The following ZDHHC14 variants were observed in gnomAD, a reference collection of about 807,000 sequenced individuals.
ZDHHC14 encodes the protein palmitoyltransferase ZDHHC14.
ZDHHC14 carries 16 observed loss-of-function variants against 47.7 expected under a neutral mutation model. The observed-to-expected ratio is 0.34, with a 90% confidence interval of 0.23 to 0.51. The LOEUF (loss-of-function observed/expected upper bound fraction) is 0.51, where lower values mean the gene tolerates loss of function less well. Ranked by LOEUF, ZDHHC14 falls within the 20% of genes least tolerant of loss-of-function variation. ZDHHC14 has a pLI of 0.97. For synonymous variants in ZDHHC14, 293 were observed against 278.9 expected, an observed-to-expected ratio of 1.05 and a Z score of -0.50; for missense variants, 515 against 662.5, an observed-to-expected ratio of 0.78 and a Z score of 2.44.
intron 1 of ZDHHC14, among the ~76,000 whole-genome samples, chr6:157,519,380 G>C (rs1368375708): frequency 6.7e-6 from 1 of 148,860 alleles, no homozygotes; most frequent in Non-Finnish European, 1.5e-5. Flanking sequence ...GCATTGCCTG[G>C]AAAAAAAAAA....
intron 7 of ZDHHC14, among the ~76,000 whole-genome samples, chr6:157,651,280 C>G (rs867075818): frequency 2.0e-5 from 3 of 152,388 alleles, no homozygotes; most frequent in Middle Eastern, 6.8e-3. Flanking sequence ...GCCATCAGCC[C>G]TCCACGTTCC....
At chr6:157,592,109 C>G (rs1390380040) in intron 2 of ZDHHC14, among the ~76,000 whole-genome samples, 1 of 152,110 alleles carries the variant, frequency 6.6e-6, no homozygotes, top group Admixed American at 6.6e-5. Flanking sequence ...GTTCTCAAAC[C>G]TTGCCCACGT....
At chr6:157,438,090 T>G (rs1778480437) in intron 1 of ZDHHC14, among the ~76,000 whole-genome samples, 1 of 152,164 alleles carries the variant, frequency 6.6e-6, no homozygotes, top group Non-Finnish European at 1.5e-5. Flanking sequence ...GTAGCATTTA[T>G]TATATCATGT....
At chr6:157,635,581 G>A (rs181909525) in intron 5 of ZDHHC14, among the ~76,000 whole-genome samples, 7 of 152,326 alleles carry the variant, frequency 4.6e-5, no homozygotes, top group East Asian at 1.9e-4. Context: ...TCCAAAGCAC[G>A]GCTTCCAGGT....
chr6:157,381,753 G>A lies in ZDHHC14; in HGVS notation c.-269G>A, dbSNP rs1777215294. On this transcript the variant is annotated 5_prime_UTR_variant, in exon 1 of 9. Transcript: ENST00000359775. ...GGCTGAGCCCCGCGCCCCGGGACGC[G>A]GGCTGGAAGCGACGGAGGAGTGCTG... 1 of 146,918 alleles carries A rather than the reference G, an allele frequency of 6.8e-6. No homozygotes were observed. Among genetic ancestry groups the A allele is most frequent in the Non-Finnish European group, 1.5e-5 (1 of 66,658 alleles). The allele number at this position is 146,918 out of a possible 1,614,324, so 9.1% of individuals were successfully genotyped here. A position where few individuals can be genotyped will look rare whatever the true frequency, so the allele number is the denominator to read the frequency against.
chr6:157,575,641 A>T (rs1783277887), intron 2 of ZDHHC14, among the ~76,000 whole-genome samples: 1 of 152,024 alleles, frequency 6.6e-6, no homozygotes, highest in Non-Finnish European at 1.5e-5. Flanking sequence ...GGGAAAGCCT[A>T]CTCTATCAGC....
rs1778964616 is a variant in ZDHHC14 at position 157,675,999 on chromosome 6, G to C, written c.*2877G>C. On this transcript the variant is annotated 3_prime_UTR_variant, in exon 9 of 9. Coordinates refer to ENST00000359775, the MANE Select transcript of ZDHHC14 (RefSeq NM_024630.3). ...CCAGGAGTGCTCCAGGGAACCACAG[G>C]CTTCCCGGCACTTGAAGGCTGAACT... is the stretch of plus-strand genomic sequence containing the variant. The C allele has an allele frequency of 1.3e-5, 2 of 152,230 alleles. No homozygotes were observed. Among genetic ancestry groups the C allele is most frequent in the Non-Finnish European group, 2.9e-5 (2 of 68,042 alleles). 9.4% of individuals were successfully genotyped at this position (152,230 alleles called of 1,614,324 possible). A position where few individuals can be genotyped will look rare whatever the true frequency, so the allele number is the denominator to read the frequency against.
chr6:157,639,715 G>A lies in ZDHHC14; in HGVS notation c.753-6022G>A, dbSNP rs191409890. Reference sequence around the variant, plus strand: ...GGACAGCTCAGTAGGGAGAAGCAGGGCAGTGGGATCCGTGCCTGGGGAGGG... The same window carrying A: ...GGACAGCTCAGTAGGGAGAAGCAGGACAGTGGGATCCGTGCCTGGGGAGGG... On this transcript the variant is annotated intron_variant, in intron 5 of 8. Coordinates refer to ENST00000359775, the MANE Select transcript of ZDHHC14 (RefSeq NM_024630.3). Among the ~76,000 whole-genome samples the A allele has an allele frequency of 5.9e-5, 9 of 152,320 alleles. No individual in the cohort carries two copies. The East Asian group carries it at 1.7e-3, about 29-fold the overall frequency.
chr6:157,618,571 C>T (rs1052355468), intron 3 of ZDHHC14, among the ~76,000 whole-genome samples: 1 of 152,170 alleles, frequency 6.6e-6, no homozygotes. Context: ...ATCCACCCAC[C>T]TCGGCCTCCC....
intron 1 of ZDHHC14, among the ~76,000 whole-genome samples, chr6:157,517,572 A>C (rs1013204403): frequency 6.6e-6 from 1 of 152,068 alleles, no homozygotes; most frequent in Non-Finnish European, 1.5e-5. Context: ...TGGCCTCCCA[A>C]AGTGCTGGGA....
At chr6:157,422,345 C>T (rs1778127143) in intron 1 of ZDHHC14, among the ~76,000 whole-genome samples, 1 of 151,998 alleles carries the variant, frequency 6.6e-6, no homozygotes, top group South Asian at 2.1e-4. Flanking sequence ...CCAGATGTTT[C>T]CCATACATGT....
intron 2 of ZDHHC14, among the ~76,000 whole-genome samples, chr6:157,570,950 G>T (rs559722758): frequency 2.0e-4 from 31 of 152,268 alleles, no homozygotes; most frequent in African/African-American, 6.7e-4. Context: ...GAATTACAAT[G>T]TCCCTGAACT....
At chr6:157,393,487 C>T (rs1304670488) in intron 1 of ZDHHC14, among the ~76,000 whole-genome samples, 1 of 152,216 alleles carries the variant, frequency 6.6e-6, no homozygotes, top group Admixed American at 6.5e-5. Flanking sequence ...TACAAGGCAA[C>T]AGCTTATTTT....
intron 2 of ZDHHC14, among the ~76,000 whole-genome samples, chr6:157,556,729 A>G (rs933710703): frequency 6.6e-6 from 1 of 152,226 alleles, no homozygotes; most frequent in African/African-American, 2.4e-5. Context: ...GGGCTGGAAC[A>G]GGGGACACGA....
intron 1 of ZDHHC14, among the ~76,000 whole-genome samples, chr6:157,479,577 C>A (rs917380747): frequency 6.6e-6 from 1 of 152,174 alleles, no homozygotes; most frequent in Non-Finnish European, 1.5e-5. Flanking sequence ...AGTTTAAATA[C>A]CTCGTTAGCC....
intron 6 of ZDHHC14, chr6:157,646,149 T>C (rs1397670548): frequency 1.2e-5 from 3 of 257,384 alleles, no homozygotes; most frequent in African/African-American, 6.7e-5. Flanking sequence ...AAGCTTCTTA[T>C]CACACTTCCC....
rs552124392 is a variant in ZDHHC14, at chr6:157,535,526, A to G, written c.246-7059A>G. ...TATGTGGAGTTCTACTGTCACCTCCATGCTCTCTGGGTTTGAGCTTTTCCT... is the reference window on the plus strand; with the variant it reads ...TATGTGGAGTTCTACTGTCACCTCCGTGCTCTCTGGGTTTGAGCTTTTCCT... On this transcript the variant is annotated intron_variant, in intron 1 of 8. Coordinates refer to ENST00000359775, the MANE Select transcript of ZDHHC14 (RefSeq NM_024630.3). Among the ~76,000 whole-genome samples the G allele has an allele frequency of 8.5e-5, 13 of 152,250 alleles. No homozygotes were observed. The East Asian group carries it at 1.5e-3, about 18-fold the overall frequency.
At chr6:157,411,434 A>T (rs545665321) in intron 1 of ZDHHC14, among the ~76,000 whole-genome samples, 3 of 152,290 alleles carry the variant, frequency 2.0e-5, no homozygotes, top group African/African-American at 7.2e-5. Context: ...ATAATTGTGC[A>T]TAAGGATATA....
At chr6:157,562,741 C>T (rs959843708) in intron 2 of ZDHHC14, among the ~76,000 whole-genome samples, 1 of 152,186 alleles carries the variant, frequency 6.6e-6, no homozygotes, top group Admixed American at 6.5e-5. Context: ...GAGTCACTGA[C>T]TTAAAATATC....
Sources: allele counts gnomAD v4.1 joint callset (sites outside exome capture counted in the v4.1 genomes callset), GRCh38; gene constraint gnomAD v4.1.1; transcripts MANE v1.5; gene names NCBI Gene and HGNC (gene_info 2026-07-23, HGNC 2026-07-21).